The following HGFAC variants were observed in gnomAD, a reference collection of about 807,000 sequenced individuals.
HGFAC encodes HGF activator.
Under a neutral mutation model 70.6 loss-of-function variants are expected in HGFAC, and 76 were observed. The observed-to-expected ratio is 1.08, with a 90% CI of 0.89 to 1.30. The LOEUF is 1.30. Ranked by LOEUF, HGFAC falls within the 50% of genes most tolerant of loss-of-function variation. The pLI, the probability that HGFAC is intolerant of heterozygous loss-of-function variation, is 0.00. For missense variants in HGFAC, 1,044 were observed against 933.7 expected, an observed-to-expected ratio of 1.12 and a Z score of -1.54; for synonymous variants, 464 against 405.3, an observed-to-expected ratio of 1.14 and a Z score of -1.74.
chr4:3,444,904 C>A lies in HGFAC; in HGVS notation c.927C>A (p.Ala309=), dbSNP rs140054551. Residue 309 remains alanine, a synonymous_variant, in exon 8 of 14, where the codon GCC becomes GCA. Transcript: ENST00000382774. ...CAGCCTCGGGCCTCAGCTGCCTGGC[C>A]TGGAACTCCGATCTGCTCTACCAGG... ...STSASGLSCL[A]WNSDLLYQEL... is the part of the protein sequence containing the mutation. 94 of 1,609,564 alleles carry A rather than the reference C, an allele frequency of 5.8e-5. No homozygotes were observed. The African/African-American group carries it at 1.2e-3, about 21-fold the overall frequency.
chr4:3,442,454 C>G (rs1725347836), intron 1 of HGFAC, among the ~76,000 whole-genome samples: 1 of 152,316 alleles, frequency 6.6e-6, no homozygotes, highest in Middle Eastern at 3.4e-3. Flanking sequence ...GGCCTCCTAG[C>G]TGCTCCCATC....
chr4:3,443,941 C>G, intron 4 of HGFAC, 98 bp from the exon 5 acceptor site: 1 of 1,350,600 alleles, frequency 7.4e-7, no homozygotes, highest in South Asian at 1.4e-5. Context: ...CAGAGCCCCT[C>G]ACTGGGGCCT....
In HGFAC at chr4:3,446,207, C is replaced by T. The variant is rs200715931; in HGVS notation, c.1268C>T (p.Ala423Val). The T allele has an allele frequency of 6.2e-6, 10 of 1,611,144 alleles. No individual in the cohort carries two copies. In the Admixed American group the frequency reaches 1.5e-4, roughly 24 times the overall value. Residue 423 changes from alanine (A) to valine (V), a missense_variant, in exon 10 of 14, where the codon GCC becomes GTC. Physicochemically the swap from Ala to Val is moderately conservative, Grantham distance 64 (BLOSUM62 0). Transcript: ENST00000382774. ...SSLPGSHPWL[A>V]AIYIGDSFCA... ...CTGCCCGGCTCGCACCCCTGGCTGG[C>T]CGCCATCTACATCGGGGACAGCTTC...
At chr4:3,442,711 C>T (rs1166937613) in intron 1 of HGFAC, 21 bp from the exon 2 acceptor site, 8 of 1,460,416 alleles carry the variant, frequency 5.5e-6, no homozygotes, top group Non-Finnish European at 7.2e-6. Flanking sequence ...CCCACACTGA[C>T]ACCCTTTCTG....
At chr4:3,447,733 G>T in intron 11 of HGFAC, 102 bp downstream of exon 11, 1 of 1,551,960 alleles carries the variant, frequency 6.4e-7, no homozygotes. Flanking sequence ...TGTGGTGCGG[G>T]GGAAGCTGGG....
Position 3,445,109 on chromosome 4 carries a change from G to A in HGFAC, c.1016+116G>A, listed in dbSNP as rs551722565. 2.8e-5 allele frequency: 38 copies of A among 1,347,984 alleles called. 1 individual carries two copies. Among genetic ancestry groups the A allele is most frequent in the Middle Eastern group, 2.5e-4 (1 of 3,954 alleles). The allele number at this position is 1,347,984 out of a possible 1,614,324, so 83.5% of individuals were successfully genotyped here. A position where few individuals can be genotyped will look rare whatever the true frequency, so the allele number is the denominator to read the frequency against. On this transcript the variant is annotated intron_variant, in intron 8 of 13. Transcript: ENST00000382774. ...GGCCAGCTCCGTCCAGACAGGCCCC[G>A]GAACCTCTGCCTGGGAGGCTGCCCG...
In HGFAC at chr4:3,444,730, A is replaced by C. The variant is rs368099479; in HGVS notation, c.838A>C (p.Ile280Leu). The C allele has an allele frequency of 2.5e-6, 4 of 1,590,892 alleles. No homozygotes were observed. The African/African-American group carries it at 5.4e-5, about 21-fold the overall frequency. ...PPGFAGRLCN[I>L]EPDERCFLGN... ...AGGCTTCGCTGGACGGCTCTGCAAC[A>C]TCGGTGAGTGGGTCAGCCCCCCGGG... Residue 280 changes from isoleucine (I) to leucine (L), a missense_variant, in exon 7 of 14, where the codon ATC becomes CTC. Coordinates refer to ENST00000382774, the MANE Select transcript of HGFAC (RefSeq NM_001528.4).
chr4:3,448,139 T>C lies in HGFAC; in HGVS notation c.1648T>C (p.Tyr550His), dbSNP rs1725589660. Reference sequence around the variant, plus strand: ...ATTGTGTCCCACAGACGTGAGCGGCTACTCCAGCTCCCTGCGGGAGGCCCT... The same window carrying C: ...ATTGTGTCCCACAGACGTGAGCGGCCACTCCAGCTCCCTGCGGGAGGCCCT... ...WGHLDENVSG[Y>H]SSSLREALVP... The change falls in exon 13 of 14, where the codon TAC (tyrosine) becomes CAC (histidine). Residue 550 changes from tyrosine to histidine, a missense_variant. By Grantham distance (83) the Tyr-to-His change is moderately conservative. Coordinates refer to ENST00000382774, the MANE Select transcript of HGFAC (RefSeq NM_001528.4). The C allele has an allele frequency of 1.9e-6, 3 of 1,594,198 alleles. No individual in the cohort carries two copies. Among genetic ancestry groups the C allele is most frequent in the Non-Finnish European group, 1.7e-6 (2 of 1,171,584 alleles).
At chr4:3,446,414 C>CGGGAA in intron 10 of HGFAC, 120 bp downstream of exon 10, 4 of 1,289,846 alleles carry the variant, frequency 3.1e-6, no homozygotes, top group Non-Finnish European at 4.2e-6. Context: ...GACCCCTTCC[C>CGGGAA]GGGGTCCCCG....
chr4:3,447,834 CCCGACAGCCT>C, intron 11 of HGFAC, 51 bp from the exon 12 acceptor site: 1 of 1,584,814 alleles, frequency 6.3e-7, no homozygotes. Context: ...CACCACGGGC[CCCGACAGCCT>C]CCCGTTCAGC....
Position 3,444,824 on chromosome 4 carries a change from G to A in HGFAC, c.847G>A (p.Asp283Asn), listed in dbSNP as rs1159186415. 2 of 1,593,598 alleles carry A rather than the reference G, an allele frequency of 1.3e-6. No individual in the cohort carries two copies. Among genetic ancestry groups the A allele is most frequent in the South Asian group, 2.3e-5 (2 of 88,398 alleles). ...FAGRLCNIEP[D>N]ERCFLGNGTG... ...CACTGCCCCTCTGCCCGCAGAGCCT[G>A]ATGAGCGCTGCTTCTTGGGGAACGG... The change falls in exon 8 of 14, where the codon GAT (aspartate) becomes AAT (asparagine). Residue 283 changes from aspartate (D) to asparagine (N), a missense_variant. Coordinates refer to ENST00000382774, the MANE Select transcript of HGFAC (RefSeq NM_001528.4).
At chr4:3,442,512 G>A (rs1355014022) in intron 1 of HGFAC, among the ~76,000 whole-genome samples, 1 of 152,194 alleles carries the variant, frequency 6.6e-6, no homozygotes, top group African/African-American at 2.4e-5. Flanking sequence ...GCAGTGCCTG[G>A]GCCTGGGCAG....
At chr4:3,447,874 C>A (rs1192920927) in intron 11 of HGFAC, 21 bp from the exon 12 acceptor site, 2 of 1,606,030 alleles carry the variant, frequency 1.2e-6, no homozygotes, top group South Asian at 2.2e-5. Flanking sequence ...ACAGGCTGAC[C>A]CTGGCCACTC....
chr4:3,445,831 G>A, intron 9 of HGFAC: 1 of 1,512,508 alleles, frequency 6.6e-7, no homozygotes, highest in African/African-American at 1.4e-5. Flanking sequence ...AGCCCCTCTG[G>A]CCCTCACAGA....
intron 2 of HGFAC, 63 bp from the exon 3 acceptor site, chr4:3,442,987 G>C (rs926236231): frequency 1.3e-5 from 20 of 1,540,704 alleles, no homozygotes; most frequent in Non-Finnish European, 1.7e-5. Context: ...GCTGCGGCTG[G>C]AGGTCCTGAG....
chr4:3,443,933 G>A, intron 4 of HGFAC, 106 bp from the exon 5 acceptor site: 1 of 1,278,300 alleles, frequency 7.8e-7, no homozygotes, highest in Admixed American at 2.5e-5. Context: ...TTTGCTCTCA[G>A]AGCCCCTCAC....
chr4:3,445,282 A>G lies in HGFAC; in HGVS notation c.1034A>G (p.Glu345Gly). The G allele has an allele frequency of 6.3e-7, 1 of 1,585,184 alleles. No homozygotes were observed. The highest frequency in any genetic ancestry group is 8.6e-7 in the Non-Finnish European group (1 of 1,166,710). ...CACCGCAGGAATCCGGACAATGACGAGAGGCCCTGGTGCTACGTGGTGAAG... is the reference window on the plus strand; with the variant it reads ...CACCGCAGGAATCCGGACAATGACGGGAGGCCCTGGTGCTACGTGGTGAAG... ...HAYCRNPDND[E>G]RPWCYVVKDS... Residue 345 changes from glutamate (E) to glycine (G), a missense_variant, in exon 9 of 14, where the codon GAG becomes GGG. Transcript: ENST00000382774.
Position 3,445,737 on chromosome 4 carries a change from T to G in HGFAC, c.1103-305T>G, listed in dbSNP as rs76576171. ...GACCCCGGCGGGGCCAGCCCGGGGC[T>G]CTCATGTGGGGGTCTCTGACTGTGC... On this transcript the variant is annotated intron_variant, in intron 9 of 13. Coordinates refer to ENST00000382774, the MANE Select transcript of HGFAC (RefSeq NM_001528.4). The G allele has an allele frequency of 8.4e-3, 7,021 of 837,186 alleles. 278 individuals are homozygous for G. In the African/African-American group the frequency reaches 0.092, roughly 11 times the overall value. The allele number at this position is 837,186 out of a possible 1,614,324, so 51.9% of individuals were successfully genotyped here.
rs768147902 is a variant in HGFAC, at chr4:3,445,923, C to T, written c.1103-119C>T. ...TGAGTGGGCGCCAGGGCCTGAGCAG[C>T]GTGGACAGGGGGTCCGGCCATGGCC... On this transcript the variant is annotated intron_variant, in intron 9 of 13. Coordinates refer to ENST00000382774, the MANE Select transcript of HGFAC (RefSeq NM_001528.4). 25 of 1,553,166 alleles carry T rather than the reference C, an allele frequency of 1.6e-5. No homozygotes were observed. In the East Asian group the frequency reaches 3.4e-4, roughly 21 times the overall value.
Sources: gnomAD v4.1 joint callset for allele counts (sites outside exome capture counted in the v4.1 genomes callset) on GRCh38, gnomAD v4.1.1 for gene constraint, MANE v1.5 for transcripts, NCBI Gene and HGNC (gene_info 2026-07-23, HGNC 2026-07-21) for gene names.